FUT8: variants seen among roughly 807,000 people sequenced by gnomAD.
FUT8 encodes fucosyltransferase 8, also known as alpha-(1,6)-fucosyltransferase.
In FUT8, 29 loss-of-function variants were observed where a neutral mutation model predicts 71.3. The ratio of observed to expected loss-of-function variants is 0.41; its 90% CI spans 0.30 to 0.55. The LOEUF (loss-of-function observed/expected upper bound fraction) is 0.55, where lower values mean the gene tolerates loss of function less well. FUT8 is among the 20% of genes least tolerant of loss of function. The probability of loss-of-function intolerance (pLI) is 0.34; values close to 1 mark genes in which losing one functional copy is unlikely to be tolerated. For missense variants in FUT8, 544 were observed against 702.1 expected, an observed-to-expected ratio of 0.77 and a Z score of 2.55; for synonymous variants, 254 against 239.3, an observed-to-expected ratio of 1.06 and a Z score of -0.57.
At chr14:65,510,527 G>A (rs1882265317) in intron 2 of FUT8, among the ~76,000 whole-genome samples, 1 of 152,020 alleles carries the variant, frequency 6.6e-6, no homozygotes, top group Non-Finnish European at 1.5e-5. Context: ...TAAATGTTTG[G>A]TAGAATTCAA....
chr14:65,722,722 G>A (rs965815404), intron 8 of FUT8, among the ~76,000 whole-genome samples: 4 of 152,178 alleles, frequency 2.6e-5, no homozygotes, highest in African/African-American at 9.7e-5. Context: ...ATGTGGGAAG[G>A]AAAGATGATA....
chr14:65,378,694 A>G, the FUT8 span, among the ~76,000 whole-genome samples: 2 of 152,180 alleles, frequency 1.3e-5, no homozygotes, highest in East Asian at 3.8e-4. Context: ...CCAGGACTAT[A>G]GGTGAAATAA....
At chr14:65,650,774 A>G (rs1259999573) in intron 6 of FUT8, among the ~76,000 whole-genome samples, 1 of 151,250 alleles carries the variant, frequency 6.6e-6, no homozygotes, top group Non-Finnish European at 1.5e-5. Context: ...TTGTGTGTTT[A>G]CTTATTTATT....
intron 2 of FUT8, among the ~76,000 whole-genome samples, chr14:65,542,333 C>T (rs1189185181): frequency 6.6e-6 from 1 of 152,188 alleles, no homozygotes; most frequent in Non-Finnish European, 1.5e-5. Flanking sequence ...AGAGCCTGTA[C>T]TTTCCAAGAT....
chr14:65,577,736 C>G (rs1288881901), intron 3 of FUT8, among the ~76,000 whole-genome samples: 2 of 152,080 alleles, frequency 1.3e-5, no homozygotes, highest in Non-Finnish European at 2.9e-5. Context: ...GGTCTAGGAT[C>G]TACAATTGTA....
chr14:65,628,806 A>C (rs531383234), intron 5 of FUT8, among the ~76,000 whole-genome samples: 83 of 152,220 alleles, frequency 5.5e-4, no homozygotes, highest in Non-Finnish European at 1.1e-3. Flanking sequence ...AGTTTAGACC[A>C]GGACTCAGCA....
chr14:65,465,712 T>G (rs906996399), intron 2 of FUT8, among the ~76,000 whole-genome samples: 6 of 152,218 alleles, frequency 3.9e-5, no homozygotes, highest in Admixed American at 1.3e-4. Context: ...CTTTGTGAAA[T>G]GTTCCCTGTG....
intron 7 of FUT8, among the ~76,000 whole-genome samples, chr14:65,694,391 T>G (rs898751910): frequency 6.6e-6 from 1 of 152,246 alleles, no homozygotes. Context: ...TTTTATTTCT[T>G]GACATTTCTT....
intron 2 of FUT8, among the ~76,000 whole-genome samples, chr14:65,553,101 G>T (rs995816698): frequency 4.6e-5 from 7 of 152,110 alleles, no homozygotes; most frequent in Admixed American, 4.6e-4. Flanking sequence ...GACTATAGGC[G>T]TGCACCACCA....
At chr14:65,422,374 T>C (rs1255452226) in intron 1 of FUT8, among the ~76,000 whole-genome samples, 1 of 152,196 alleles carries the variant, frequency 6.6e-6, no homozygotes, top group Non-Finnish European at 1.5e-5. Context: ...GCCCATCCCT[T>C]CCTGCCTTTA....
chr14:65,598,249 G>A (rs1888098745), intron 3 of FUT8, among the ~76,000 whole-genome samples: 1 of 151,998 alleles, frequency 6.6e-6, no homozygotes, highest in Non-Finnish European at 1.5e-5. Context: ...CGAGACGGGA[G>A]TCTTGCTCTG....
chr14:65,443,947 T>C (rs2139502995), intron 1 of FUT8, among the ~76,000 whole-genome samples: 1 of 152,294 alleles, frequency 6.6e-6, no homozygotes, highest in Middle Eastern at 3.4e-3. Context: ...CTTTTTAATG[T>C]TTTCAATAAG....
At chr14:65,407,607 C>G (rs2139328604), upstream of FUT8, among the ~76,000 whole-genome samples, 1 of 152,236 alleles carries the variant, frequency 6.6e-6, no homozygotes, top group South Asian at 2.1e-4. Flanking sequence ...TGGCTATATC[C>G]AATACGTTTT....
At chr14:65,708,058 G>A (rs1271414045) in intron 7 of FUT8, among the ~76,000 whole-genome samples, 1 of 152,188 alleles carries the variant, frequency 6.6e-6, no homozygotes, top group Admixed American at 6.5e-5. Context: ...GCTTTGGATA[G>A]TGATACGGTT....
chr14:65,526,391 C>CT (rs1261036886), intron 2 of FUT8, among the ~76,000 whole-genome samples: 2 of 151,956 alleles, frequency 1.3e-5, no homozygotes, highest in African/African-American at 2.4e-5. Context: ...CAACCCCTGC[C>CT]TTTTTTTGTT....
intron 3 of FUT8, among the ~76,000 whole-genome samples, chr14:65,562,236 TA>T (rs752020655): frequency 3.3e-5 from 5 of 152,116 alleles, no homozygotes; most frequent in South Asian, 2.1e-4. Context: ...GTTATGTATT[TA>T]AAAAAATTGA....
chr14:65,442,586 A>G (rs1417016268), intron 1 of FUT8, among the ~76,000 whole-genome samples: 2 of 151,926 alleles, frequency 1.3e-5, no homozygotes, highest in African/African-American at 4.8e-5. Context: ...TGTAATCCCA[A>G]CACTTGGGGA....
At chr14:65,551,064 C>T (rs1457480742) in intron 2 of FUT8, among the ~76,000 whole-genome samples, 1 of 152,126 alleles carries the variant, frequency 6.6e-6, no homozygotes, top group Non-Finnish European at 1.5e-5. Context: ...ATAGGGTACA[C>T]ATATTTTTAT....
intron 3 of FUT8, among the ~76,000 whole-genome samples, chr14:65,576,696 C>CTTTTTTTTTTTTTTTTTTTTTT (rs376473739): frequency 1.1e-4 from 11 of 96,218 alleles, no homozygotes; most frequent in South Asian, 4.0e-4. Flanking sequence ...GCCCAGCTTG[C>CTTTTTTTTTTTTTTTTTTTTTT]TTTTTTTTTT....
Sources: gnomAD v4.1 joint callset for allele counts (sites outside exome capture counted in the v4.1 genomes callset) on GRCh38, gnomAD v4.1.1 for gene constraint, MANE v1.5 for transcripts, NCBI Gene and HGNC (gene_info 2026-07-23, HGNC 2026-07-21) for gene names.